RTL4: variants seen among roughly 807,000 people sequenced by gnomAD.
The protein encoded by RTL4 is retrotransposon Gag like 4.
RTL4 carries 4 observed loss-of-function variants against 5.3 expected under a neutral mutation model. That is an observed-to-expected ratio of 0.75 (90% CI 0.37 to 1.72). The LOEUF (loss-of-function observed/expected upper bound fraction) is 1.72. Ranked by LOEUF, RTL4 falls within the 40% of genes most tolerant of loss-of-function variation. The pLI is 0.04. For synonymous variants in RTL4, 98 were observed against 87.3 expected (o/e 1.12, Z -0.68); for missense variants, 260 against 227.1 (o/e 1.14, Z -0.93).
the RTL4 span, among the ~76,000 whole-genome samples, chrX:112,272,240 TA>T: frequency 8.9e-6 from 1 of 112,463 alleles, no homozygotes; most frequent in Non-Finnish European, 1.9e-5. Flanking sequence ...TAACATAATT[TA>T]AGCATATCAT....
At chrX:112,166,368 AG>A in the RTL4 span, among the ~76,000 whole-genome samples, 1 of 112,108 alleles carries the variant, frequency 8.9e-6, no homozygotes, top group African/African-American at 3.2e-5. Context: ...GTAACTAGCA[AG>A]GGGACAAGAG....
the RTL4 span, among the ~76,000 whole-genome samples, chrX:112,194,874 C>T: frequency 8.0e-4 from 90 of 111,970 alleles, no homozygotes; most frequent in African/African-American, 2.7e-3. Flanking sequence ...CTATAAGCCA[C>T]GGGGTGCTGA....
At chrX:112,281,381 A>G in the RTL4 span, among the ~76,000 whole-genome samples, 1,091 of 112,112 alleles carry the variant, frequency 9.7e-3, 8 homozygotes, top group African/African-American at 0.034. Flanking sequence ...TTAAAAATCC[A>G]TTCATCCATT....
the RTL4 span, among the ~76,000 whole-genome samples, chrX:112,326,148 G>T: frequency 9.0e-6 from 1 of 111,608 alleles, no homozygotes; most frequent in Admixed American, 9.5e-5. Flanking sequence ...CAGGAAACAG[G>T]AGCCAAGATG....
the RTL4 span, among the ~76,000 whole-genome samples, chrX:112,332,418 A>T: frequency 2.1e-3 from 231 of 110,560 alleles, 1 homozygote; most frequent in African/African-American, 7.1e-3. Context: ...AATAGCAAAG[A>T]CCTGGAACCA....
the RTL4 span, among the ~76,000 whole-genome samples, chrX:112,197,032 T>A: frequency 9.2e-6 from 1 of 109,037 alleles, no homozygotes; most frequent in Non-Finnish European, 1.9e-5. Context: ...TTCATATAAC[T>A]ATTTATATGT....
the RTL4 span, chrX:112,382,332 T>C: frequency 8.8e-3 from 4,510 of 511,728 alleles, 85 homozygotes; most frequent in African/African-American, 0.063. Context: ...GTAAAATCTC[T>C]ATCATGATGT....
the RTL4 span, among the ~76,000 whole-genome samples, chrX:112,419,337 C>CTTTTTTTTTTTTT: frequency 1.2e-4 from 3 of 24,392 alleles, 1 homozygote; most frequent in African/African-American, 1.8e-4. Flanking sequence ...TTCCATTCAG[C>CTTTTTTTTTTTTT]TTTTTTTTTT....
upstream of RTL4, among the ~76,000 whole-genome samples, chrX:112,449,842 G>T (rs908415795): frequency 8.9e-6 from 1 of 112,170 alleles, no homozygotes; most frequent in South Asian, 3.7e-4. Context: ...TGCCTTCATT[G>T]TACAAGTAAG....
chrX:112,437,185 T>G, the RTL4 span, among the ~76,000 whole-genome samples: 3 of 111,641 alleles, frequency 2.7e-5, no homozygotes, highest in African/African-American at 9.8e-5. Context: ...GAAGAGGGAA[T>G]AAGTTAGGAG....
chrX:112,363,890 T>C, the RTL4 span, among the ~76,000 whole-genome samples: 1 of 110,823 alleles, frequency 9.0e-6, no homozygotes, highest in Admixed American at 9.6e-5. Context: ...GGCTGTGATG[T>C]GGGGAGATTT....
chrX:112,371,066 A>G, the RTL4 span, among the ~76,000 whole-genome samples: 1,243 of 110,780 alleles, frequency 0.011, 21 homozygotes, highest in African/African-American at 0.039. Flanking sequence ...GACAATGGCA[A>G]TTCACAAGAC....
chrX:112,391,455 A>G, the RTL4 span, among the ~76,000 whole-genome samples: 25 of 110,520 alleles, frequency 2.3e-4, no homozygotes, highest in African/African-American at 7.9e-4. Flanking sequence ...TGCTCCTTTA[A>G]CTGCACTGGA....
At chrX:112,162,058 T>G in the RTL4 span, among the ~76,000 whole-genome samples, 1 of 110,276 alleles carries the variant, frequency 9.1e-6, no homozygotes, top group Non-Finnish European at 1.9e-5. Flanking sequence ...CTTATATTTC[T>G]TCCAATTAAA....
At chrX:112,241,453 G>A in the RTL4 span, among the ~76,000 whole-genome samples, 1 of 112,304 alleles carries the variant, frequency 8.9e-6, no homozygotes, top group South Asian at 3.7e-4. Flanking sequence ...GTGATGATGA[G>A]CATTTTTTTC....
the RTL4 span, among the ~76,000 whole-genome samples, chrX:112,270,047 A>G: frequency 2.7e-5 from 3 of 112,336 alleles, no homozygotes; most frequent in Admixed American, 9.4e-5. Flanking sequence ...TATTGGCAAC[A>G]TCCTAAGAAA....
chrX:112,206,717 G>T, the RTL4 span, among the ~76,000 whole-genome samples: 1 of 111,391 alleles, frequency 9.0e-6, no homozygotes, highest in Non-Finnish European at 1.9e-5. Context: ...CCAAATTTGT[G>T]CCTCTCTAGT....
At chrX:112,151,245 T>C in the RTL4 span, among the ~76,000 whole-genome samples, 1 of 112,390 alleles carries the variant, frequency 8.9e-6, no homozygotes, top group East Asian at 2.8e-4. Context: ...ATACATTTTA[T>C]TTTTTGTCTA....
the RTL4 span, among the ~76,000 whole-genome samples, chrX:112,179,126 G>A: frequency 2.8e-4 from 31 of 111,394 alleles, no homozygotes; most frequent in African/African-American, 9.5e-4. Context: ...GGCCCTGGTT[G>A]TTGTTGCCCC....
Sources: allele counts gnomAD v4.1 joint callset (sites outside exome capture counted in the v4.1 genomes callset), GRCh38; gene constraint gnomAD v4.1.1; transcripts MANE v1.5; gene names NCBI Gene and HGNC (gene_info 2026-07-23, HGNC 2026-07-21).